Variants in ADGRV1 observed in about 807,000 individuals in gnomAD.
ADGRV1 encodes the protein G-protein coupled receptor 98.
A neutral mutation model predicts 596.2 loss-of-function variants in ADGRV1; 359 were observed. That is an observed-to-expected ratio of 0.60 (90% CI 0.55 to 0.66). The LOEUF (loss-of-function observed/expected upper bound fraction) is 0.66. Ranked by LOEUF, ADGRV1 falls within the 30% of genes least tolerant of loss-of-function variation. The probability of loss-of-function intolerance (pLI) is 0.00; values close to 1 mark genes in which losing one functional copy is unlikely to be tolerated. For synonymous variants in ADGRV1, 2,681 were observed against 2,679.2 expected (o/e 1.00, Z -0.02); for missense variants, 7,274 against 7,575.6 (o/e 0.96, Z 1.48).
In ADGRV1 at chr5:90,745,797, TA is replaced by T; in HGVS notation, c.10974+4del. On this transcript the variant is annotated splice_donor_region_variant and intron_variant, in intron 52 of 89. Coordinates refer to ENST00000405460, the MANE Select transcript of ADGRV1 (RefSeq NM_032119.4). ...TATGGAATTGTTGCATTTGCTCAGG[TA>T]ATGATACTGAAGACCCCACACTTGC... 1 of 1,541,918 alleles carries T rather than the reference TA, an allele frequency of 6.5e-7. No individual in the cohort carries two copies. Among genetic ancestry groups the T allele is most frequent in the Non-Finnish European group, 9.0e-7 (1 of 1,116,656 alleles).
rs16876822 is a variant in ADGRV1 at position 90,693,962 on chromosome 5, G to A, written c.7206G>A (p.Glu2402=). The stretch of plus-strand genomic sequence containing the variant: ...TTGATGTAGTGGCTCTGGCAATGGA[G>A]GAAGGTCAAGATTTACTGTCCTACT... ...SDIDVVALAM[E]EGQDLLSYYE... Residue 2402 remains glutamate, a synonymous_variant, in exon 33 of 90, where the codon GAG becomes GAA. Coordinates refer to ENST00000405460, the MANE Select transcript of ADGRV1 (RefSeq NM_032119.4). The A allele has an allele frequency of 0.34, 550,478 of 1,606,424 alleles. 97,325 individuals are homozygous for A. Among genetic ancestry groups the A allele is most frequent in the Admixed American group, 0.54 (32,448 of 59,598 alleles).
intron 84 of ADGRV1, among the ~76,000 whole-genome samples, chr5:90,978,426 A>G (rs1458474786): frequency 6.6e-6 from 1 of 152,170 alleles, no homozygotes; most frequent in Non-Finnish European, 1.5e-5. Flanking sequence ...ATCGATTAAA[A>G]TTATGGAGTC....
intron 59 of ADGRV1, among the ~76,000 whole-genome samples, chr5:90,766,121 G>C (rs534908159): frequency 5.1e-4 from 77 of 152,094 alleles, no homozygotes; most frequent in Non-Finnish European, 9.6e-4. Flanking sequence ...GTGTTAGCCA[G>C]GATGGTCTTG....
At chr5:90,941,974 C>T (rs1776201063) in intron 83 of ADGRV1, among the ~76,000 whole-genome samples, 1 of 152,106 alleles carries the variant, frequency 6.6e-6, no homozygotes, top group Non-Finnish European at 1.5e-5. Context: ...GCAAGAAAAC[C>T]ATGTTCTTTA....
chr5:90,678,817 A>G (rs761527491), intron 25 of ADGRV1, among the ~76,000 whole-genome samples: 3 of 151,822 alleles, frequency 2.0e-5, no homozygotes, highest in Non-Finnish European at 4.4e-5. Flanking sequence ...CCCAATTCTC[A>G]ACACGGTTGC....
In ADGRV1 at chr5:90,935,585, A is replaced by C. The variant is rs58790039; in HGVS notation, c.17857-29830A>C. Among the ~76,000 whole-genome samples, 780 of 152,330 alleles carry C rather than the reference A, an allele frequency of 5.1e-3. 8 individuals are homozygous for C. Among genetic ancestry groups the C allele is most frequent in the African/African-American group, 0.018 (741 of 41,574 alleles). On this transcript the variant is annotated intron_variant, in intron 83 of 89. Transcript: ENST00000405460. ...TATTCAACAGAAAAAAACCTGTAAA[A>C]AATGTGGCATGTGACTTTCTAATAC...
intron 85 of ADGRV1, among the ~76,000 whole-genome samples, chr5:91,062,708 C>T (rs1442755050): frequency 1.3e-5 from 2 of 152,120 alleles, no homozygotes; most frequent in African/African-American, 4.8e-5. Flanking sequence ...AACATTGCAT[C>T]TGAACAGCCC....
At chr5:90,785,199 C>T (rs1759295154) in intron 67 of ADGRV1, among the ~76,000 whole-genome samples, 1 of 152,090 alleles carries the variant, frequency 6.6e-6, no homozygotes, top group African/African-American at 2.4e-5. Flanking sequence ...ACTGGCTAGC[C>T]ATATGTAGAA....
chr5:90,600,941 G>A (rs34301936), intron 1 of ADGRV1, among the ~76,000 whole-genome samples: 10,819 of 152,246 alleles, frequency 0.071, 452 homozygotes, highest in Non-Finnish European at 0.093. Flanking sequence ...TCACTTAGAA[G>A]CAAGGGAAAA....
intron 18 of ADGRV1, among the ~76,000 whole-genome samples, 190 bp from the exon 19 acceptor site, chr5:90,652,154 CTG>C (rs1462617769): frequency 6.6e-6 from 1 of 152,152 alleles, no homozygotes. Flanking sequence ...ACTTTTATGA[CTG>C]TTTCTCTTTT....
At chr5:90,614,727 TG>T (rs1472145893) in intron 1 of ADGRV1, 107 bp from the exon 2 acceptor site, 1 of 830,794 alleles carries the variant, frequency 1.2e-6, no homozygotes, top group Admixed American at 2.0e-5. Flanking sequence ...ATGTCTTAGT[TG>T]TTTGCTGTCT....
At chr5:90,924,082 A>T (rs937778848) in intron 83 of ADGRV1, among the ~76,000 whole-genome samples, 1 of 151,628 alleles carries the variant, frequency 6.6e-6, no homozygotes, top group African/African-American at 2.4e-5. Flanking sequence ...ATAATGCCGC[A>T]ATAAACATAC....
Position 91,126,624 on chromosome 5 carries a change from T to C in ADGRV1, c.18433-23406T>C, listed in dbSNP as rs186794362. 2.9e-4 allele frequency among the ~76,000 whole-genome samples: 44 copies of C among 152,318 alleles called. 1 individual carries two copies. In the East Asian group the frequency reaches 8.1e-3, roughly 28 times the overall value. ...CAAGTTTACTGGAAGTGCATATTTTTCATGTGCCAAATTCAGTAAGTCATG... is the reference window on the plus strand; with the variant it reads ...CAAGTTTACTGGAAGTGCATATTTTCCATGTGCCAAATTCAGTAAGTCATG... On this transcript the variant is annotated intron_variant, in intron 87 of 89. Coordinates refer to ENST00000405460, the MANE Select transcript of ADGRV1 (RefSeq NM_032119.4).
chr5:91,063,101 G>C (rs1332521149), intron 85 of ADGRV1, among the ~76,000 whole-genome samples: 4 of 151,266 alleles, frequency 2.6e-5, no homozygotes, highest in African/African-American at 7.3e-5. Context: ...GGGAACACAG[G>C]CATGGTGCCA....
chr5:90,931,054 A>G (rs984156918), intron 83 of ADGRV1: 1 of 152,182 alleles, frequency 6.6e-6, no homozygotes, highest in Non-Finnish European at 1.5e-5. Flanking sequence ...CAAAGCTGAA[A>G]GATTTGTAGA....
At chr5:91,015,612 T>C (rs1783114260) in intron 85 of ADGRV1, among the ~76,000 whole-genome samples, 1 of 152,090 alleles carries the variant, frequency 6.6e-6, no homozygotes, top group Non-Finnish European at 1.5e-5. Flanking sequence ...TTTAGGTGAA[T>C]TAAACCCTTT....
At chr5:90,820,173 G>T (rs1467530530) in intron 75 of ADGRV1, among the ~76,000 whole-genome samples, 1 of 149,236 alleles carries the variant, frequency 6.7e-6, no homozygotes. Flanking sequence ...TTATGTAATG[G>T]CCTTCTTTGT....
chr5:91,163,557 A>G (rs1797125171), intron 89 of ADGRV1, among the ~76,000 whole-genome samples: 1 of 152,354 alleles, frequency 6.6e-6, no homozygotes, highest in South Asian at 2.1e-4. Flanking sequence ...GAGAACCCAA[A>G]TGTGTGTCTT....
At chr5:90,979,230 G>C (rs138897718) in intron 84 of ADGRV1, among the ~76,000 whole-genome samples, 3 of 151,388 alleles carry the variant, frequency 2.0e-5, no homozygotes, top group South Asian at 2.1e-4. Context: ...GTGCAGTGGC[G>C]CAGTCTCGGC....
Sources: gnomAD v4.1 joint callset for allele counts (sites outside exome capture counted in the v4.1 genomes callset) on GRCh38, gnomAD v4.1.1 for gene constraint, MANE v1.5 for transcripts, NCBI Gene and HGNC (gene_info 2026-07-23, HGNC 2026-07-21) for gene names.